UPF1: variants seen among roughly 807,000 people sequenced by gnomAD.
UPF1 encodes the protein UPF1 RNA helicase and ATPase.
UPF1 carries 9 observed loss-of-function variants against 129.2 expected under a neutral mutation model. The ratio of observed to expected loss-of-function variants is 0.07; its 90% CI spans 0.04 to 0.12. UPF1 has a LOEUF of 0.12. Among genes scored for constraint, UPF1 ranks in the 10% least tolerant of loss-of-function variants. The probability of loss-of-function intolerance (pLI) is 1.00; values close to 1 mark genes in which losing one functional copy is unlikely to be tolerated. For synonymous variants in UPF1, 649 were observed against 644.9 expected, an observed-to-expected ratio of 1.01 and a Z score of -0.10; for missense variants, 788 against 1,525.3, an observed-to-expected ratio of 0.52 and a Z score of 8.05.
chr19:18,854,823 ATG>A, intron 9 of UPF1, 54 bp from the exon 10 acceptor site: 2 of 1,608,792 alleles, frequency 1.2e-6, no homozygotes, highest in Non-Finnish European at 1.7e-6. Flanking sequence ...CAAACTCAGG[ATG>A]TCGGAGAGGC....
rs749519983 is a variant in UPF1, at chr19:18,855,047, C to T, written c.1425+9C>T. On this transcript the variant is annotated intron_variant, in intron 10 of 23. Coordinates refer to ENST00000262803, the MANE Select transcript of UPF1 (RefSeq NM_002911.4). ...ACCTCAACCACTCCCAGGTGCGCGC[C>T]GTCCTCAGCGCGCGGGGCCTCGCCC... 1 of 1,613,390 alleles carries T rather than the reference C, an allele frequency of 6.2e-7. No individual in the cohort carries two copies. Among genetic ancestry groups the T allele is most frequent in the Non-Finnish European group, 8.5e-7 (1 of 1,179,706 alleles).
chr19:18,853,813 G>T lies in UPF1; in HGVS notation c.1156+463G>T, dbSNP rs1212208961. Among the ~76,000 whole-genome samples the T allele has an allele frequency of 1.3e-5, 2 of 152,228 alleles. No individual in the cohort carries two copies. The highest frequency in any genetic ancestry group is 4.8e-5 in the African/African-American group (2 of 41,454). ...TGTGCAGTGACCTCATGGTGATGCA[G>T]CCTGCCGGCCAGAGTGGGGCAGCTG... On this transcript the variant is annotated intron_variant, in intron 8 of 23. Coordinates refer to ENST00000262803, the MANE Select transcript of UPF1 (RefSeq NM_002911.4). This position sits in a 1 kb window ranked among gnomAD's most constrained non-coding sequence, Gnocchi z 4.4.
rs1420704416 is a variant in UPF1 at position 18,868,167 on chromosome 19, CTT to C, written c.*1653_*1654del. 18 of 235,848 alleles carry C rather than the reference CTT, an allele frequency of 7.6e-5. No individual in the cohort carries two copies. The highest frequency in any genetic ancestry group is 1.3e-4 in the Non-Finnish European group (15 of 117,176). The allele number at this position is 235,848 out of a possible 1,614,324, so 14.6% of individuals were successfully genotyped here. On this transcript the variant is annotated 3_prime_UTR_variant, in exon 24 of 24. Transcript: ENST00000262803. ...GGCGCACTGTACCAAGGCAATGTAA[CTT>C]TTGATTTTCGGTCAATTTAAGTTCT...
rs759670824 is a variant in UPF1, at chr19:18,864,230, G to A, written c.2836G>A (p.Val946Ile). ...DAREAIIPGSVYDRSSQGRPS... is the reference protein window; with the variant it reads ...DAREAIIPGSIYDRSSQGRPS... ...CCGGGAGGCCATCATCCCAGGCTCC[G>A]TCTATGATCGGAGCAGCCAGGGTGA... Residue 946 changes from valine to isoleucine, a missense_variant, in exon 20 of 24, where the codon GTC becomes ATC. Transcript: ENST00000262803. 18 of 1,613,308 alleles carry A rather than the reference G, an allele frequency of 1.1e-5. No homozygotes were observed. The Admixed American group carries it at 1.8e-4, about 16-fold the overall frequency.
Position 18,867,068 on chromosome 19 carries a change from C to G in UPF1, c.*551C>G, listed in dbSNP as rs904098333. The G allele has an allele frequency of 6.6e-6, 1 of 152,584 alleles. No individual in the cohort carries two copies. Among genetic ancestry groups the G allele is most frequent in the Non-Finnish European group, 1.5e-5 (1 of 68,016 alleles). 9.5% of individuals were successfully genotyped at this position (152,584 alleles called of 1,614,324 possible). A position where few individuals can be genotyped will look rare whatever the true frequency, so the allele number is the denominator to read the frequency against. On this transcript the variant is annotated 3_prime_UTR_variant, in exon 24 of 24. Transcript: ENST00000262803. ...AAATAAGGGTGTTTTGGGTTTTTCTCTTTGTTTTTTTCAAGATTCTTTTAA... is the reference window on the plus strand; with the variant it reads ...AAATAAGGGTGTTTTGGGTTTTTCTGTTTGTTTTTTTCAAGATTCTTTTAA...
At position 18,867,844 on chromosome 19, in the gene UPF1, C is replaced by T. The variant is rs1005978599; in HGVS notation, c.*1327C>T. The T allele has an allele frequency of 4.6e-5, 7 of 152,324 alleles. No individual in the cohort carries two copies. The highest frequency in any genetic ancestry group is 7.2e-5 in the African/African-American group (3 of 41,454). 9.4% of individuals were successfully genotyped at this position (152,324 alleles called of 1,614,324 possible). A position where few individuals can be genotyped will look rare whatever the true frequency, so the allele number is the denominator to read the frequency against. On this transcript the variant is annotated 3_prime_UTR_variant, in exon 24 of 24. Coordinates refer to ENST00000262803, the MANE Select transcript of UPF1 (RefSeq NM_002911.4). ...TCCCCTGCCCCGGGCCTGGGGCTGTCACTGGCCCTGATCCGAACACCTCCA... is the reference window on the plus strand; with the variant it reads ...TCCCCTGCCCCGGGCCTGGGGCTGTTACTGGCCCTGATCCGAACACCTCCA...
At position 18,851,992 on chromosome 19, in the gene UPF1, C is replaced by T. The variant is rs764974760; in HGVS notation, c.811-143C>T. The T allele has an allele frequency of 6.4e-5, 79 of 1,231,490 alleles. 1 individual carries two copies. In the Middle Eastern group the frequency reaches 2.9e-3, roughly 45 times the overall value. The allele number at this position is 1,231,490 out of a possible 1,614,324, so 76.3% of individuals were successfully genotyped here. ...AGGGTTCTCCTTGCAGGTGGGGCTG[C>T]GCCAGAACCCCTCCATGCCACCCAC... is the stretch of plus-strand genomic sequence containing the variant. On this transcript the variant is annotated intron_variant, in intron 5 of 23. Transcript: ENST00000262803. This position sits in a 1 kb window ranked among gnomAD's most constrained non-coding sequence, Gnocchi z 4.2.
chr19:18,849,984 C>A, intron 3 of UPF1, 91 bp from the exon 4 acceptor site: 2 of 1,524,664 alleles, frequency 1.3e-6, no homozygotes, highest in South Asian at 1.2e-5. Context: ...GGACCGTGAA[C>A]GGTACCGGAA....
Position 18,865,367 on chromosome 19 carries a change from T to C in UPF1, c.2936T>C (p.Met979Thr). 1 of 1,614,112 alleles carries C rather than the reference T, an allele frequency of 6.2e-7. No homozygotes were observed. The highest frequency in any genetic ancestry group is 8.5e-7 in the Non-Finnish European group (1 of 1,180,012). The change falls in exon 21 of 24, where the codon ATG (methionine) becomes ACG (threonine). Residue 979 changes from methionine to threonine, a missense_variant. This residue lies in a region of UPF1 where 218 missense variants were observed against 318.1 expected (regional missense o/e 0.69). Coordinates refer to ENST00000262803, the MANE Select transcript of UPF1 (RefSeq NM_002911.4). The surrounding 1 kb of genome is among the most constrained non-coding windows in gnomAD (Gnocchi z 6.1). ...ISAGPSHVAA[M>T]NIPIPFNLVM... ...GCCGGCCCTAGCCACGTGGCTGCCA[T>C]GAACATTCCCATCCCCTTCAACCTG...
rs2055678386 is a variant in UPF1 at position 18,853,148 on chromosome 19, A to T, written c.1057+77A>T. The T allele has an allele frequency of 6.2e-7, 1 of 1,605,126 alleles. No homozygotes were observed. Among genetic ancestry groups the T allele is most frequent in the Admixed American group, 1.7e-5 (1 of 59,348 alleles). Reference sequence around the variant, plus strand: ...ATATTTGTGACCATAAGTAGCATAAATTCCTAGTTCCACCCTTGTAAAGTG... The same window carrying T: ...ATATTTGTGACCATAAGTAGCATAATTTCCTAGTTCCACCCTTGTAAAGTG... On this transcript the variant is annotated intron_variant, in intron 7 of 23. Coordinates refer to ENST00000262803, the MANE Select transcript of UPF1 (RefSeq NM_002911.4). This position sits in a 1 kb window ranked among gnomAD's most constrained non-coding sequence, Gnocchi z 4.4.
chr19:18,857,409 G>A lies in UPF1; in HGVS notation c.2058G>A (p.Glu686=). 3.7e-6 allele frequency: 6 copies of A among 1,613,536 alleles called. No individual in the cohort carries two copies. Among genetic ancestry groups the A allele is most frequent in the Non-Finnish European group, 5.1e-6 (6 of 1,180,018 alleles). ...CCGGGCTGTCACAGTCGCTCTTCGAGCGCCTGGTGGTGCTGGGCATCCGGC... is the reference window on the plus strand; with the variant it reads ...CCGGGCTGTCACAGTCGCTCTTCGAACGCCTGGTGGTGCTGGGCATCCGGC... ...AKAGLSQSLF[E]RLVVLGIRPI... Residue 686 remains glutamate (E), a synonymous_variant, in exon 15 of 24, where the codon GAG becomes GAA. Coordinates refer to ENST00000262803, the MANE Select transcript of UPF1 (RefSeq NM_002911.4).
At chr19:18,855,575 G>A in intron 11 of UPF1, 1 of 509,946 alleles carries the variant, frequency 2.0e-6, no homozygotes, top group East Asian at 3.6e-5. Context: ...GTAGAGCTGT[G>A]AAGCCTGGGC....
chr19:18,837,777 C>T (rs887468086), intron 1 of UPF1, among the ~76,000 whole-genome samples: 6 of 152,218 alleles, frequency 3.9e-5, no homozygotes, highest in Non-Finnish European at 8.8e-5. Context: ...TCCGTCTCCA[C>T]TCCTGGTAGC....
Position 18,860,907 on chromosome 19 carries a change from G to A in UPF1, c.2382G>A (p.Thr794=), listed in dbSNP as rs777457787. ...GAKPDQIGII[T]PYEGQRSYLV... ...AGCCGGACCAGATTGGCATCATCAC[G>A]CCCTACGAGGGCCAGCGCTCCTACC... Residue 794 remains threonine (T), a synonymous_variant, in exon 17 of 24, where the codon ACG becomes ACA. Coordinates refer to ENST00000262803, the MANE Select transcript of UPF1 (RefSeq NM_002911.4). 7.5e-6 allele frequency: 12 copies of A among 1,603,776 alleles called. No homozygotes were observed. Among genetic ancestry groups the A allele is most frequent in the Admixed American group, 5.1e-5 (3 of 58,858 alleles).
At chr19:18,834,417 G>A (rs2055461699) in intron 1 of UPF1, among the ~76,000 whole-genome samples, 1 of 152,186 alleles carries the variant, frequency 6.6e-6, no homozygotes, top group Non-Finnish European at 1.5e-5. Flanking sequence ...GGGATTAATT[G>A]TGGGGCATGT....
At chr19:18,841,578 C>A (rs2055541557) in intron 1 of UPF1, among the ~76,000 whole-genome samples, 1 of 152,214 alleles carries the variant, frequency 6.6e-6, no homozygotes, top group Non-Finnish European at 1.5e-5. Context: ...TCTCCCGCTG[C>A]TTTTCATCTC....
At chr19:18,846,786 C>T (rs1312496080) in intron 2 of UPF1, among the ~76,000 whole-genome samples, 1 of 152,062 alleles carries the variant, frequency 6.6e-6, no homozygotes, top group Non-Finnish European at 1.5e-5. Flanking sequence ...GTCAGGAGAT[C>T]GAGACCATCC....
At chr19:18,840,076 T>A (rs1377480328) in intron 1 of UPF1, among the ~76,000 whole-genome samples, 1 of 151,878 alleles carries the variant, frequency 6.6e-6, no homozygotes, top group Non-Finnish European at 1.5e-5. Flanking sequence ...TGACCAAGGC[T>A]GGGAGGAGGG....
Position 18,865,289 on chromosome 19 carries a change from G to T in UPF1, c.2858G>T (p.Gly953Val). The stretch of plus-strand genomic sequence containing the variant: ...TGCCGTGTTCCACTGTGATTTGCAG[G>T]CCGGCCTTCCAGCATGTACTTCCAG... The part of the protein sequence containing the change: ...PGSVYDRSSQ[G>V]RPSSMYFQTH... The change falls in exon 21 of 24, where the codon GGC (glycine) becomes GTC (valine). Residue 953 changes from glycine (G) to valine (V), a missense_variant and splice_region_variant. Gly to Val is a moderately radical substitution (Grantham distance 109). This residue lies in a region of UPF1 where 218 missense variants were observed against 318.1 expected (regional missense o/e 0.69). Coordinates refer to ENST00000262803, the MANE Select transcript of UPF1 (RefSeq NM_002911.4). This position sits in a 1 kb window ranked among gnomAD's most constrained non-coding sequence, Gnocchi z 6.1. 1.3e-6 allele frequency: 2 copies of T among 1,598,926 alleles called. No homozygotes were observed.
Sources: allele counts gnomAD v4.1 joint callset (sites outside exome capture counted in the v4.1 genomes callset), GRCh38; gene constraint gnomAD v4.1.1; regional missense constraint gnomAD v4.1.1; non-coding constraint Gnocchi (gnomAD v3.1); transcripts MANE v1.5; gene names NCBI Gene and HGNC (gene_info 2026-07-23, HGNC 2026-07-21).